The following CLTCL1 variants were observed in gnomAD, a reference collection of about 807,000 sequenced individuals.
The protein encoded by CLTCL1 is clathrin heavy chain like 1, also known as clathrin heavy chain 2.
Under a neutral mutation model 190.0 loss-of-function variants are expected in CLTCL1, and 159 were observed. The observed-to-expected ratio is 0.84, with a 90% CI of 0.74 to 0.95. The LOEUF is 0.95. Ranked by LOEUF, CLTCL1 falls within the 40% of genes least tolerant of loss-of-function variation. The pLI is 0.00. For synonymous variants in CLTCL1, 752 were observed against 769.6 expected, an observed-to-expected ratio of 0.98 and a Z score of 0.38; for missense variants, 1,878 against 2,033.4, an observed-to-expected ratio of 0.92 and a Z score of 1.47.
chr22:19,286,213 C>T (rs1291847618), intron 1 of CLTCL1, among the ~76,000 whole-genome samples: 2 of 151,864 alleles, frequency 1.3e-5, no homozygotes, highest in African/African-American at 4.8e-5. Context: ...CAAAGAGTCC[C>T]CATTCAAATT....
At chr22:19,233,396 G>T (rs370572038) in intron 8 of CLTCL1, 26 bp downstream of exon 8, 6 of 1,613,076 alleles carry the variant, frequency 3.7e-6, no homozygotes, top group Middle Eastern at 1.6e-4. Flanking sequence ...TGTGCGGGGG[G>T]GCTACGAGCT....
At chr22:19,286,215 A>G (rs2087901306) in intron 1 of CLTCL1, among the ~76,000 whole-genome samples, 2 of 152,182 alleles carry the variant, frequency 1.3e-5, no homozygotes, top group African/African-American at 4.8e-5. Context: ...AAGAGTCCCC[A>G]TTCAAATTCA....
In CLTCL1 at chr22:19,222,902, T is replaced by C. The variant is rs377492961; in HGVS notation, c.2293-93A>G. 1.3e-4 allele frequency: 189 copies of C among 1,447,720 alleles called. 4 individuals are homozygous for C. The East Asian group carries it at 2.6e-3, about 20-fold the overall frequency. 89.7% of individuals were successfully genotyped at this position (1,447,720 alleles called of 1,614,324 possible). A position where few individuals can be genotyped will look rare whatever the true frequency, so the allele number is the denominator to read the frequency against. On this transcript the variant is annotated intron_variant, in intron 14 of 32. Coordinates refer to ENST00000427926, the MANE Select transcript of CLTCL1 (RefSeq NM_007098.4). ...TGCACACATGGGACGGCTCTGTCTC[T>C]GCAGCAGAGTGACACACAGGAGACT... is the stretch of plus-strand genomic sequence containing the variant.
chr22:19,209,080 G>T lies in CLTCL1; in HGVS notation c.3284C>A (p.Ala1095Glu). The T allele has an allele frequency of 1.9e-6, 3 of 1,607,796 alleles. No homozygotes were observed. The East Asian group carries it at 6.7e-5, about 36-fold the overall frequency. ...ATTGCATCTCTCCGCAAACTCATAT[G>T]CCCGGTCCAGGTTTCCAATGTGCTC... ...LIEHIGNLDR[A>E]YEFAERCNEP... The change falls in exon 21 of 33, where the codon GCA becomes GAA. Residue 1095 changes from alanine to glutamate, a missense_variant. Physicochemically the swap from Ala to Glu is moderately radical, Grantham distance 107. Transcript: ENST00000427926.
chr22:19,290,476 G>A lies in CLTCL1; in HGVS notation c.42+1124C>T, dbSNP rs5748103. 9.3e-3 allele frequency among the ~76,000 whole-genome samples: 1,418 copies of A among 152,244 alleles called. 20 individuals carry two copies. The highest frequency in any genetic ancestry group is 0.052 in the South Asian group (252 of 4,822). On this transcript the variant is annotated intron_variant, in intron 1 of 32. Transcript: ENST00000427926. ...CAGCAGTATTTTGCTACCTCAACAT[G>A]ACTGGTGCTGGCTTAGCTTAGTGGC...
At chr22:19,258,432 T>A (rs552559556) in intron 2 of CLTCL1, 5 of 408,340 alleles carry the variant, frequency 1.2e-5, no homozygotes, top group Non-Finnish European at 2.3e-5. Context: ...AGTCCAGTCC[T>A]TGGAGATTGG....
At chr22:19,283,922 G>A (rs2087811864) in intron 1 of CLTCL1, among the ~76,000 whole-genome samples, 1 of 151,126 alleles carries the variant, frequency 6.6e-6, no homozygotes, top group African/African-American at 2.4e-5. Flanking sequence ...AAACCAGGAG[G>A]CAGAGGCTGG....
At chr22:19,278,834 C>T (rs916144519) in intron 1 of CLTCL1, among the ~76,000 whole-genome samples, 6 of 152,284 alleles carry the variant, frequency 3.9e-5, no homozygotes, top group South Asian at 4.1e-4. Context: ...ATCCACCTCC[C>T]GGGTTCAAGC....
intron 5 of CLTCL1, chr22:19,238,873 T>C (rs901393849): frequency 9.5e-5 from 16 of 169,214 alleles, no homozygotes; most frequent in Admixed American, 9.0e-4. Context: ...CTGGGTTACA[T>C]GTGCAGAACG....
In CLTCL1 at chr22:19,229,835, G is replaced by A. The variant is rs1555957872; in HGVS notation, c.1782+3C>T. Reference sequence around the variant, plus strand: ...TCTCGGTGTTAGCCTACAAGTCACTGACCTGGGGTGCATGAACAAGGTTCA... The same window carrying A: ...TCTCGGTGTTAGCCTACAAGTCACTAACCTGGGGTGCATGAACAAGGTTCA... On this transcript the variant is annotated splice_donor_region_variant and intron_variant, in intron 11 of 32. Transcript: ENST00000427926. The A allele has an allele frequency of 6.2e-7, 1 of 1,605,326 alleles. No individual in the cohort carries two copies. Among genetic ancestry groups the A allele is most frequent in the Non-Finnish European group, 8.5e-7 (1 of 1,176,694 alleles).
At chr22:19,252,343 C>G (rs1042149865) in intron 3 of CLTCL1, among the ~76,000 whole-genome samples, 1 of 152,202 alleles carries the variant, frequency 6.6e-6, no homozygotes, top group Non-Finnish European at 1.5e-5. Context: ...TCTTGCCCCT[C>G]TAGCTACCTA....
chr22:19,253,761 C>T (rs988659277), intron 3 of CLTCL1, among the ~76,000 whole-genome samples, 198 bp downstream of exon 3: 2 of 151,454 alleles, frequency 1.3e-5, no homozygotes, highest in African/African-American at 2.4e-5. Flanking sequence ...AGTGCAGTGG[C>T]GCAATCTTGG....
At position 19,188,062 on chromosome 22, in the gene CLTCL1, G is replaced by C. The variant is rs782695316; in HGVS notation, c.4353C>G (p.Tyr1451Ter). 1 of 1,614,034 alleles carries C rather than the reference G, an allele frequency of 6.2e-7. No homozygotes were observed. The highest frequency in any genetic ancestry group is 8.5e-7 in the Non-Finnish European group (1 of 1,179,892). ...TGTTGTGGCTCTGGACTGACCGCAG[G>C]TAAGGCTTCACCAGGGGCAGCTGAC... ...KAGQLPLVKP[Y>*]LRSVQSHNNK... The change falls in exon 28 of 33, where the codon TAC becomes TAG. Residue 1451 changes from tyrosine (Y) to a stop codon, truncating the protein, a stop_gained. Coordinates refer to ENST00000427926, the MANE Select transcript of CLTCL1 (RefSeq NM_007098.4). LOFTEE classifies it high-confidence loss of function.
chr22:19,201,627 T>A, intron 22 of CLTCL1, 134 bp from the exon 23 acceptor site: 1 of 968,094 alleles, frequency 1.0e-6, no homozygotes, highest in Non-Finnish European at 1.5e-6. Flanking sequence ...ATCGCACCAG[T>A]GACCAGATGA....
At chr22:19,197,189 C>T (rs564267961) in intron 24 of CLTCL1, among the ~76,000 whole-genome samples, 1 of 152,306 alleles carries the variant, frequency 6.6e-6, no homozygotes, top group Non-Finnish European at 1.5e-5. Flanking sequence ...TGGAGAAACA[C>T]CCAGCCATGT....
At chr22:19,220,258 G>A (rs1388056107) in intron 17 of CLTCL1, among the ~76,000 whole-genome samples, 1 of 152,164 alleles carries the variant, frequency 6.6e-6, no homozygotes, top group Non-Finnish European at 1.5e-5. Flanking sequence ...TGGCCAGTAG[G>A]ACTTCCTGCA....
intron 3 of CLTCL1, 108 bp from the exon 4 acceptor site, chr22:19,243,044 T>G: frequency 9.6e-7 from 1 of 1,042,232 alleles, no homozygotes; most frequent in Non-Finnish European, 1.4e-6. Flanking sequence ...AGAGGTATAC[T>G]TCCTCTAGTA....
chr22:19,257,786 C>A, intron 2 of CLTCL1: 3 of 1,422,056 alleles, frequency 2.1e-6, no homozygotes, highest in Non-Finnish European at 2.8e-6. Context: ...AAAGCCTGAA[C>A]GACCACCTGG....
In CLTCL1 at chr22:19,221,447, C is replaced by T. The variant is rs758791454; in HGVS notation, c.2726G>A (p.Cys909Tyr). 36 of 1,575,884 alleles carry T rather than the reference C, an allele frequency of 2.3e-5. No individual in the cohort carries two copies. Among genetic ancestry groups the T allele is most frequent in the Non-Finnish European group, 2.9e-5 (34 of 1,160,372 alleles). The change falls in exon 17 of 33, where the codon TGT (cysteine) becomes TAT (tyrosine). Residue 909 changes from cysteine to tyrosine, a missense_variant. Cys to Tyr is a radical substitution (Grantham distance 194). Transcript: ENST00000427926. The part of the protein sequence containing the change: ...YYDSSVVGRY[C>Y]EKRDPHLACV... ...GGCCAGATGGGGGTCTCGCTTCTCA[C>T]AGTAGCGGCCCACCACGCTGCTGTC...
Sources: allele counts gnomAD v4.1 joint callset (sites outside exome capture counted in the v4.1 genomes callset), GRCh38; gene constraint gnomAD v4.1.1; transcripts MANE v1.5; gene names NCBI Gene and HGNC (gene_info 2026-07-23, HGNC 2026-07-21).